DEPTOR: variants seen among roughly 807,000 people sequenced by gnomAD.
DEPTOR encodes the protein DEP domain containing MTOR interacting protein.
DEPTOR carries 41 observed loss-of-function variants against 41.6 expected under a neutral mutation model. The observed-to-expected ratio is 0.98, with a 90% confidence interval of 0.77 to 1.28. The LOEUF (loss-of-function observed/expected upper bound fraction) is 1.28, where lower values mean the gene tolerates loss of function less well. Among genes scored for constraint, DEPTOR ranks in the 50% most tolerant of loss-of-function variants. DEPTOR has a pLI of 0.00. For missense variants in DEPTOR, 514 were observed against 527.9 expected (o/e 0.97, Z 0.26); for synonymous variants, 195 against 192.3 (o/e 1.01, Z -0.12).
At position 119,921,098 on chromosome 8, in the gene DEPTOR, G is replaced by A. The variant is rs1281964317; in HGVS notation, c.123-7302G>A. ...CTCAAGGGATCCTCCCGCCTCAGCC[G>A]GCATAGTAGCTGGGACTAAAGGCAT... On this transcript the variant is annotated intron_variant, in intron 1 of 8. Coordinates refer to ENST00000286234, the MANE Select transcript of DEPTOR (RefSeq NM_022783.4). 4.0e-5 allele frequency among the ~76,000 whole-genome samples: 6 copies of A among 151,858 alleles called. No individual in the cohort carries two copies. The East Asian group carries it at 5.8e-4, about 15-fold the overall frequency.
intron 1 of DEPTOR, among the ~76,000 whole-genome samples, chr8:119,917,882 G>A (rs574501482): frequency 6.4e-4 from 98 of 152,364 alleles, no homozygotes; most frequent in Non-Finnish European, 1.2e-3. Flanking sequence ...GCCTTAGGGC[G>A]GAGGTGGAAC....
chr8:120,004,036 G>C (rs1812396092), intron 6 of DEPTOR, among the ~76,000 whole-genome samples: 1 of 152,108 alleles, frequency 6.6e-6, no homozygotes, highest in African/African-American at 2.4e-5. Context: ...TGTTCCTTTT[G>C]TTCATGTTGT....
At chr8:119,988,962 T>C (rs898293258) in intron 4 of DEPTOR, among the ~76,000 whole-genome samples, 13 of 140,608 alleles carry the variant, frequency 9.2e-5, no homozygotes, top group East Asian at 4.6e-4. Context: ...TTTTTTCTTT[T>C]TTTTTTTTTT....
chr8:119,912,375 C>T (rs1004048113), intron 1 of DEPTOR, among the ~76,000 whole-genome samples: 2 of 152,118 alleles, frequency 1.3e-5, no homozygotes, highest in African/African-American at 4.8e-5. Flanking sequence ...TTACATAATC[C>T]TTGAACTCCA....
chr8:120,014,169 G>A (rs1473516491), intron 8 of DEPTOR, among the ~76,000 whole-genome samples: 1 of 152,148 alleles, frequency 6.6e-6, no homozygotes, highest in Non-Finnish European at 1.5e-5. Flanking sequence ...ATTCTAGAAT[G>A]GAGCATGAAA....
At chr8:119,957,735 C>T (rs142105906) in intron 3 of DEPTOR, among the ~76,000 whole-genome samples, 5,541 of 152,108 alleles carry the variant, frequency 0.036, 107 homozygotes, top group African/African-American at 0.053. Flanking sequence ...ATTATAGGCA[C>T]GCGCCACCAT....
chr8:119,938,871 C>G (rs1430639592), intron 3 of DEPTOR, among the ~76,000 whole-genome samples: 2 of 143,652 alleles, frequency 1.4e-5, no homozygotes, highest in African/African-American at 5.0e-5. Context: ...TTCTCCCTCT[C>G]TGCCTTCCCC....
At chr8:119,947,977 T>A (rs1343488769) in intron 3 of DEPTOR, among the ~76,000 whole-genome samples, 1 of 152,144 alleles carries the variant, frequency 6.6e-6, no homozygotes, top group Non-Finnish European at 1.5e-5. Context: ...CACCATGCAT[T>A]TGTACTTGCT....
intron 1 of DEPTOR, among the ~76,000 whole-genome samples, chr8:119,910,490 T>C (rs1827722779): frequency 6.6e-6 from 1 of 152,030 alleles, no homozygotes; most frequent in Admixed American, 6.6e-5. Flanking sequence ...TCCCGCTCTG[T>C]CCCCCAGGCT....
At chr8:119,980,679 T>TG (rs1161910500) in intron 4 of DEPTOR, among the ~76,000 whole-genome samples, 1 of 151,704 alleles carries the variant, frequency 6.6e-6, no homozygotes, top group Non-Finnish European at 1.5e-5. Flanking sequence ...CACCACAGCC[T>TG]GCTAATTTTT....
At chr8:119,909,919 G>T (rs1024272799) in intron 1 of DEPTOR, among the ~76,000 whole-genome samples, 2 of 152,204 alleles carry the variant, frequency 1.3e-5, no homozygotes, top group Admixed American at 6.5e-5. Flanking sequence ...ACCTCATTAG[G>T]TATCAGATAC....
chr8:119,890,078 C>T (rs1827432199), intron 1 of DEPTOR, among the ~76,000 whole-genome samples: 1 of 151,652 alleles, frequency 6.6e-6, no homozygotes, highest in South Asian at 2.1e-4. Context: ...GATTCTCGTG[C>T]CTCAGCCTCC....
chr8:119,928,866 C>T (rs1828003926), intron 2 of DEPTOR, among the ~76,000 whole-genome samples: 1 of 151,418 alleles, frequency 6.6e-6, no homozygotes, highest in Non-Finnish European at 1.5e-5. Flanking sequence ...GCTGGGATTA[C>T]AGGCGTGAGC....
Position 120,009,137 on chromosome 8 carries a change from C to G in DEPTOR, c.1101+4C>G, listed in dbSNP as rs1812493173. On this transcript the variant is annotated splice_donor_region_variant and intron_variant, in intron 8 of 8. Coordinates refer to ENST00000286234, the MANE Select transcript of DEPTOR (RefSeq NM_022783.4). ...TGCAGCCGCAGCAGGAATGAAGGTA[C>G]TAACGGGTCTTTCTCACCCTCTTTT... 6.2e-7 allele frequency: 1 copy of G among 1,612,778 alleles called. No homozygotes were observed. The highest frequency in any genetic ancestry group is 1.3e-5 in the African/African-American group (1 of 74,912).
At chr8:119,979,055 CAT>C (rs1313257739) in intron 4 of DEPTOR, among the ~76,000 whole-genome samples, 1 of 152,058 alleles carries the variant, frequency 6.6e-6, no homozygotes, top group Non-Finnish European at 1.5e-5. Flanking sequence ...TAAAACTGAG[CAT>C]AAGCAAACTC....
intron 1 of DEPTOR, among the ~76,000 whole-genome samples, chr8:119,910,818 G>A (rs148573832): frequency 2.6e-5 from 4 of 152,252 alleles, no homozygotes; most frequent in Admixed American, 2.6e-4. Flanking sequence ...TGTCTGCATT[G>A]AGTACCAAAG....
At chr8:120,027,995 C>T (rs1354867289) in intron 8 of DEPTOR, among the ~76,000 whole-genome samples, 1 of 152,152 alleles carries the variant, frequency 6.6e-6, no homozygotes, top group East Asian at 1.9e-4. Context: ...AGACAGCCTA[C>T]TGGCTCAGAC....
intron 3 of DEPTOR, among the ~76,000 whole-genome samples, chr8:119,948,290 G>C (rs1431227456): frequency 6.6e-6 from 1 of 152,176 alleles, no homozygotes; most frequent in Non-Finnish European, 1.5e-5. Flanking sequence ...GCAGGTGCCT[G>C]TAATCCCGCT....
intron 2 of DEPTOR, among the ~76,000 whole-genome samples, 164 bp downstream of exon 2, chr8:119,928,742 T>TC (rs1491020940): frequency 8.2e-6 from 1 of 121,466 alleles, no homozygotes; most frequent in African/African-American, 3.5e-5. Context: ...TTGGGTTCTT[T>TC]CTTTTTTTTT....
Sources: allele counts gnomAD v4.1 joint callset (sites outside exome capture counted in the v4.1 genomes callset), GRCh38; gene constraint gnomAD v4.1.1; transcripts MANE v1.5; gene names NCBI Gene and HGNC (gene_info 2026-07-23, HGNC 2026-07-21).